The following PAMR1 variants were observed in gnomAD, a reference collection of about 807,000 sequenced individuals.
The protein encoded by PAMR1 is inactive serine protease PAMR1.
A neutral mutation model predicts 81.8 loss-of-function variants in PAMR1; 88 were observed. The observed-to-expected ratio is 1.08, with a 90% CI of 0.91 to 1.28. The LOEUF is 1.28. Ranked by LOEUF, PAMR1 falls within the 50% of genes most tolerant of loss-of-function variation. The pLI is 0.00. For missense variants in PAMR1, 935 were observed against 919.7 expected, an observed-to-expected ratio of 1.02 and a Z score of -0.21; for synonymous variants, 336 against 345.3, an observed-to-expected ratio of 0.97 and a Z score of 0.30.
At chr11:35,461,046 C>A (rs567763358) in intron 6 of PAMR1, among the ~76,000 whole-genome samples, 1 of 152,292 alleles carries the variant, frequency 6.6e-6, no homozygotes, top group East Asian at 1.9e-4. Flanking sequence ...TTTTGATTTG[C>A]ATTTCTCTGA....
intron 3 of PAMR1, among the ~76,000 whole-genome samples, chr11:35,477,483 TAG>T (rs2135385260): frequency 6.6e-6 from 1 of 152,340 alleles, no homozygotes; most frequent in Non-Finnish European, 1.5e-5. Context: ...TGGTTAAGAA[TAG>T]AGACTGCAGA....
In PAMR1 at chr11:35,470,683, T is replaced by A; in HGVS notation, c.630A>T (p.Ile210=). The A allele has an allele frequency of 1.9e-6, 3 of 1,614,200 alleles. No homozygotes were observed. Among genetic ancestry groups the A allele is most frequent in the Non-Finnish European group, 2.5e-6 (3 of 1,180,030 alleles). ...GGAAGAGGACGTGGAGTGAGGATCC[T>A]ATGCTCTGGATAGGAGCTGGCCGCT... ...GNERPAPIQS[I]GSSLHVLFHS... Residue 210 remains isoleucine, a synonymous_variant, in exon 5 of 11, where the codon ATA becomes ATT. Coordinates refer to ENST00000619888, the MANE Select transcript of PAMR1 (RefSeq NM_001001991.3).
At chr11:35,478,025 C>T (rs1336882563) in intron 3 of PAMR1, among the ~76,000 whole-genome samples, 1 of 152,146 alleles carries the variant, frequency 6.6e-6, no homozygotes, top group Non-Finnish European at 1.5e-5. Flanking sequence ...TGGCAGCTTC[C>T]CAGCCTGTAA....
chr11:35,436,953 T>A (rs940621322), intron 8 of PAMR1, among the ~76,000 whole-genome samples: 1 of 152,176 alleles, frequency 6.6e-6, no homozygotes, highest in Non-Finnish European at 1.5e-5. Context: ...GGGGCAATAT[T>A]AGGAATTGAC....
At chr11:35,491,837 C>A (rs1478929381) in intron 3 of PAMR1, among the ~76,000 whole-genome samples, 1 of 152,190 alleles carries the variant, frequency 6.6e-6, no homozygotes, top group African/African-American at 2.4e-5. Context: ...TAGACATAAA[C>A]CTCCTGTGGC....
chr11:35,467,930 T>C (rs1470217817), intron 6 of PAMR1, 71 bp downstream of exon 6: 7 of 911,786 alleles, frequency 7.7e-6, no homozygotes, highest in African/African-American at 1.6e-5. Context: ...GAGTTGGCCC[T>C]GCAAGCTCTT....
intron 1 of PAMR1, among the ~76,000 whole-genome samples, chr11:35,514,591 G>A (rs1347239265): frequency 6.6e-6 from 1 of 152,222 alleles, no homozygotes; most frequent in Non-Finnish European, 1.5e-5. Flanking sequence ...ATCCTTGAAG[G>A]ACAGCTGCTT....
At chr11:35,475,391 T>C (rs996249712) in intron 3 of PAMR1, among the ~76,000 whole-genome samples, 2 of 152,084 alleles carry the variant, frequency 1.3e-5, no homozygotes, top group African/African-American at 4.8e-5. Flanking sequence ...CCAATAAAAC[T>C]CAATGTATAA....
upstream of PAMR1, among the ~76,000 whole-genome samples, chr11:35,529,729 G>T (rs568530674): frequency 1.8e-4 from 27 of 152,286 alleles, 1 homozygote; most frequent in South Asian, 3.3e-3. Context: ...ACCACTGCTT[G>T]CTTCGGGGAG....
At chr11:35,501,014 A>G (rs1850825600) in intron 1 of PAMR1, among the ~76,000 whole-genome samples, 1 of 152,206 alleles carries the variant, frequency 6.6e-6, no homozygotes, top group South Asian at 2.1e-4. Flanking sequence ...ACTGTACACT[A>G]CTGTAGACTT....
At chr11:35,526,604 G>T (rs1377760280), upstream of PAMR1, among the ~76,000 whole-genome samples, 1 of 152,210 alleles carries the variant, frequency 6.6e-6, no homozygotes, top group African/African-American at 2.4e-5. Context: ...AACCATTGAG[G>T]ATTACAATAA....
intron 6 of PAMR1, among the ~76,000 whole-genome samples, chr11:35,447,319 C>T (rs2135349204): frequency 6.6e-6 from 1 of 151,332 alleles, no homozygotes; most frequent in East Asian, 2.0e-4. Context: ...TCTCCTGTCT[C>T]AGCCTCCCGA....
intron 1 of PAMR1, among the ~76,000 whole-genome samples, chr11:35,509,193 C>T (rs1184139120): frequency 6.6e-6 from 1 of 152,164 alleles, no homozygotes; most frequent in African/African-American, 2.4e-5. Flanking sequence ...TCTCTCCCAG[C>T]TTGAGTAGAG....
intron 3 of PAMR1, among the ~76,000 whole-genome samples, chr11:35,489,002 C>A (rs1191059827): frequency 6.6e-6 from 1 of 152,124 alleles, no homozygotes; most frequent in African/African-American, 2.4e-5. Flanking sequence ...CTTCCAGAAC[C>A]CTACTCCTTC....
Position 35,432,592 on chromosome 11 carries a change from C to A in PAMR1, c.1927G>T (p.Val643Phe). Residue 643 changes from valine (V) to phenylalanine (F), a missense_variant, in exon 11 of 11, where the codon GTC (valine) becomes TTC (phenylalanine). Transcript: ENST00000619888. ...CTGGCACAGAACATGTTATCAGTGA[C>A]ACTCACTGGGATGCCATGGTCCTCA... ...QHEDHGIPVS[V>F]TDNMFCASWE... 6.2e-7 allele frequency: 1 copy of A among 1,614,134 alleles called. No homozygotes were observed. Among genetic ancestry groups the A allele is most frequent in the Middle Eastern group, 1.6e-4 (1 of 6,062 alleles).
Position 35,507,039 on chromosome 11 carries a change from C to CCTTTTTTTTTTTTTTTTTTTTT in PAMR1, c.74-12768_74-12767insAAAAAAAAAAAAAAAAAAAAAG, listed in dbSNP as rs1433957199. ...TCTCCTCTATTTTCAAATAGCCTGA[C>CCTTTTTTTTTTTTTTTTTTTTT]TTTTTTTTTTTTTTTTTTTTTTTTT... On this transcript the variant is annotated intron_variant, in intron 1 of 10. Coordinates refer to ENST00000619888, the MANE Select transcript of PAMR1 (RefSeq NM_001001991.3). Among the ~76,000 whole-genome samples the CCTTTTTTTTTTTTTTTTTTTTT allele has an allele frequency of 4.6e-5, 4 of 86,862 alleles. 1 individual carries two copies. Among genetic ancestry groups the CCTTTTTTTTTTTTTTTTTTTTT allele is most frequent in the African/African-American group, 1.3e-4 (3 of 22,318 alleles). The allele number at this position is 86,862 out of a possible 152,430, so 57.0% of individuals were successfully genotyped here.
chr11:35,451,845 A>G (rs1856424560), intron 6 of PAMR1: 1 of 689,386 alleles, frequency 1.5e-6, no homozygotes, highest in Non-Finnish European at 2.7e-6. Flanking sequence ...CTTCTGCCAC[A>G]TGAGGATACA....
rs1856454199 is a variant in PAMR1 at position 35,453,131 on chromosome 11, C to T, written c.821-11438G>A. ...CATCTGTAAAGCAGGATAACACTTA[C>T]CTGGTTGGGCTTGTTCTGAGAAGTA... On this transcript the variant is annotated intron_variant, in intron 6 of 10. Coordinates refer to ENST00000619888, the MANE Select transcript of PAMR1 (RefSeq NM_001001991.3). Among the ~76,000 whole-genome samples, 7 of 152,248 alleles carry T rather than the reference C, an allele frequency of 4.6e-5. No homozygotes were observed. The South Asian group carries it at 1.4e-3, about 32-fold the overall frequency.
At chr11:35,512,392 C>G (rs1380024885) in intron 1 of PAMR1, among the ~76,000 whole-genome samples, 6 of 152,082 alleles carry the variant, frequency 3.9e-5, no homozygotes, top group African/African-American at 9.7e-5. Flanking sequence ...ATAAATTGCC[C>G]CAGGTAACAC....
Sources: allele counts gnomAD v4.1 joint callset (sites outside exome capture counted in the v4.1 genomes callset), GRCh38; gene constraint gnomAD v4.1.1; transcripts MANE v1.5; gene names NCBI Gene and HGNC (gene_info 2026-07-23, HGNC 2026-07-21).